CALN1: variants seen among roughly 807,000 people sequenced by gnomAD.
The protein encoded by CALN1 is calneuron 1.
Under a neutral mutation model 30.6 loss-of-function variants are expected in CALN1, and 17 were observed. The ratio of observed to expected loss-of-function variants is 0.56; its 90% CI spans 0.38 to 0.83. The LOEUF (loss-of-function observed/expected upper bound fraction) is 0.83. CALN1 is among the 40% of genes least tolerant of loss of function. The pLI is 0.00. For missense variants in CALN1, 291 were observed against 354.9 expected (o/e 0.82, Z 1.45); for synonymous variants, 156 against 131.4 (o/e 1.19, Z -1.28).
At chr7:72,299,689 CTTTTT>C (rs34296600) in intron 2 of CALN1, among the ~76,000 whole-genome samples, 27 of 119,842 alleles carry the variant, frequency 2.3e-4, no homozygotes, top group African/African-American at 7.6e-4. Context: ...ATGCTCTTAT[CTTTTT>C]TTTTTTTTTT....
At chr7:72,401,493 C>T (rs1189174199) in intron 2 of CALN1, among the ~76,000 whole-genome samples, 1 of 152,174 alleles carries the variant, frequency 6.6e-6, no homozygotes, top group East Asian at 1.9e-4. Flanking sequence ...TGTGTGCGCG[C>T]ACACAAATGT....
Position 72,334,001 on chromosome 7 carries a change from C to G in CALN1, c.120-55191G>C, listed in dbSNP as rs1256574526. Among the ~76,000 whole-genome samples the G allele has an allele frequency of 2.0e-5, 3 of 152,192 alleles. No individual in the cohort carries two copies. In the South Asian group the frequency reaches 6.2e-4, roughly 32 times the overall value. On this transcript the variant is annotated intron_variant, in intron 2 of 6. Coordinates refer to ENST00000395275, the MANE Select transcript of CALN1 (RefSeq NM_031468.4). Reference sequence around the variant, plus strand: ...GTGGAAAGTGCCCCGCACATAGGATCGAAACCCAGCCTGTTAGCCTCAAAC... The same window carrying G: ...GTGGAAAGTGCCCCGCACATAGGATGGAAACCCAGCCTGTTAGCCTCAAAC...
intron 2 of CALN1, among the ~76,000 whole-genome samples, chr7:72,376,894 T>A (rs1367089321): frequency 6.6e-6 from 1 of 152,184 alleles, no homozygotes; most frequent in Non-Finnish European, 1.5e-5. Context: ...ACTTTCTGTA[T>A]TTTTGCATGT....
intron 5 of CALN1, among the ~76,000 whole-genome samples, chr7:71,873,094 C>T (rs1330017465): frequency 6.8e-6 from 1 of 146,452 alleles, no homozygotes; most frequent in African/African-American, 2.6e-5. Context: ...GCCTTTGCCT[C>T]CCGGATTCAA....
At chr7:72,487,121 G>C in the CALN1 span, among the ~76,000 whole-genome samples, 1 of 152,092 alleles carries the variant, frequency 6.6e-6, no homozygotes, top group Admixed American at 6.6e-5. Flanking sequence ...TGTGATCATA[G>C]CTCACTGCAG....
chr7:71,855,643 C>G (rs1357492534), intron 5 of CALN1, among the ~76,000 whole-genome samples: 3 of 152,104 alleles, frequency 2.0e-5, no homozygotes, highest in Non-Finnish European at 4.4e-5. Context: ...TGTGGTCCCT[C>G]GTGGGCACTC....
At chr7:72,398,129 G>A (rs1393512167) in intron 2 of CALN1, among the ~76,000 whole-genome samples, 1 of 152,292 alleles carries the variant, frequency 6.6e-6, no homozygotes, top group Non-Finnish European at 1.5e-5. Context: ...AAATAAAGAT[G>A]GCAAGCAAAG....
chr7:72,265,064 C>T (rs1249228551), intron 3 of CALN1, among the ~76,000 whole-genome samples: 5 of 152,204 alleles, frequency 3.3e-5, no homozygotes, highest in Admixed American at 6.5e-5. Context: ...TCCAGTTATC[C>T]TCCTGCCTCA....
In CALN1 at chr7:72,390,150, G is replaced by A. The variant is rs575788023; in HGVS notation, c.119+13101C>T. ...GCTCTAAGAAATAAGGGGGATTGGG[G>A]CCGGGCACGGCGACTCACCCCTGTA... On this transcript the variant is annotated intron_variant, in intron 2 of 6. Transcript: ENST00000395275. Among the ~76,000 whole-genome samples the A allele has an allele frequency of 4.1e-4, 62 of 152,120 alleles. 1 individual carries two copies. Among genetic ancestry groups the A allele is most frequent in the African/African-American group, 1.4e-3 (59 of 41,418 alleles).
At chr7:72,148,412 T>TAAAAAAAAAG (rs992516596) in intron 3 of CALN1, among the ~76,000 whole-genome samples, 1 of 126,230 alleles carries the variant, frequency 7.9e-6, no homozygotes, top group African/African-American at 3.1e-5. Flanking sequence ...TACAAAAAAG[T>TAAAAAAAAAG]AAAAAAAAGA....
intron 3 of CALN1, among the ~76,000 whole-genome samples, chr7:72,276,317 G>A (rs190166915): frequency 2.5e-3 from 377 of 152,258 alleles, no homozygotes; most frequent in Non-Finnish European, 3.9e-3. Flanking sequence ...ACTCCCATAG[G>A]TAGGAAAAGC....
intron 3 of CALN1, among the ~76,000 whole-genome samples, chr7:72,274,267 G>T (rs1797196658): frequency 6.6e-6 from 1 of 152,158 alleles, no homozygotes; most frequent in Admixed American, 6.5e-5. Flanking sequence ...CAGCACTTTG[G>T]GAGGCCAAGG....
At chr7:72,178,637 C>T (rs1041614903) in intron 3 of CALN1, among the ~76,000 whole-genome samples, 4 of 150,912 alleles carry the variant, frequency 2.7e-5, no homozygotes, top group Admixed American at 6.6e-5. Context: ...TGCAGTGAGC[C>T]GAGATCGCAC....
chr7:72,359,881 G>A (rs888464894), intron 2 of CALN1, among the ~76,000 whole-genome samples: 2 of 150,162 alleles, frequency 1.3e-5, no homozygotes, highest in African/African-American at 4.9e-5. Context: ...GGAGGCTGAG[G>A]CAGGAGAACG....
the CALN1 span, among the ~76,000 whole-genome samples, chr7:72,480,542 A>G: frequency 1.3e-5 from 2 of 152,122 alleles, no homozygotes; most frequent in East Asian, 3.9e-4. Flanking sequence ...TCCATTTTCT[A>G]GGAGCGTTTG....
At chr7:71,911,117 A>T (rs1794402930) in intron 5 of CALN1, among the ~76,000 whole-genome samples, 1 of 152,172 alleles carries the variant, frequency 6.6e-6, no homozygotes, top group South Asian at 2.1e-4. Flanking sequence ...CAAAGTCCTT[A>T]CTGGCGCCAG....
At chr7:71,920,288 T>C (rs1348246916) in intron 5 of CALN1, among the ~76,000 whole-genome samples, 1 of 151,942 alleles carries the variant, frequency 6.6e-6, no homozygotes, top group East Asian at 1.9e-4. Flanking sequence ...TTAAAGCTTG[T>C]CTGCATCACT....
chr7:72,055,678 CTT>C (rs1256124351), intron 4 of CALN1, among the ~76,000 whole-genome samples: 1 of 152,040 alleles, frequency 6.6e-6, no homozygotes, highest in Non-Finnish European at 1.5e-5. Flanking sequence ...CATTTTAAAA[CTT>C]TTGTGAAATG....
intron 3 of CALN1, among the ~76,000 whole-genome samples, chr7:72,130,083 C>T (rs1237531787): frequency 6.6e-6 from 1 of 152,124 alleles, no homozygotes; most frequent in Non-Finnish European, 1.5e-5. Context: ...CACCAGGCTT[C>T]CTCTCTCACC....
Sources: gnomAD v4.1 joint callset for allele counts (sites outside exome capture counted in the v4.1 genomes callset) on GRCh38, gnomAD v4.1.1 for gene constraint, MANE v1.5 for transcripts, NCBI Gene and HGNC (gene_info 2026-07-23, HGNC 2026-07-21) for gene names.